The following EZH2 variants were observed in gnomAD, a reference collection of about 807,000 sequenced individuals.
EZH2 encodes the protein enhancer of zeste 2 polycomb repressive complex 2 subunit.
Under a neutral mutation model 98.4 loss-of-function variants are expected in EZH2, and 18 were observed. That is an observed-to-expected ratio of 0.18 (90% confidence interval 0.13 to 0.27). EZH2 has a LOEUF of 0.27. Ranked by LOEUF, EZH2 falls within the 10% of genes least tolerant of loss-of-function variation. The probability of loss-of-function intolerance (pLI) is 1.00; values close to 1 mark genes in which losing one functional copy is unlikely to be tolerated. For missense variants in EZH2, 470 were observed against 935.1 expected (o/e 0.50, Z 6.49); for synonymous variants, 338 against 312.3 (o/e 1.08, Z -0.87).
At chr7:148,846,421 A>G (rs1814048322) in intron 3 of EZH2, 49 bp downstream of exon 3, 2 of 1,581,174 alleles carry the variant, frequency 1.3e-6, no homozygotes, top group South Asian at 2.3e-5. Context: ...TTCCAATAGC[A>G]TAAACCAAAA....
At chr7:148,876,562 T>C (rs1370658845) in intron 1 of EZH2, among the ~76,000 whole-genome samples, 4 of 152,090 alleles carry the variant, frequency 2.6e-5, no homozygotes, top group Non-Finnish European at 5.9e-5. Flanking sequence ...CTATAGAAAA[T>C]TGTCACACAA....
rs1814416950 is a variant in EZH2 at position 148,847,368 on chromosome 7, T to A, written c.-7-63A>T. 3 of 1,584,966 alleles carry A rather than the reference T, an allele frequency of 1.9e-6. No homozygotes were observed. In the Admixed American group the frequency reaches 5.4e-5, roughly 29 times the overall value. On this transcript the variant is annotated intron_variant, in intron 1 of 19. Transcript: ENST00000320356. The stretch of plus-strand genomic sequence containing the variant: ...ACCAGCCTGAATATGATCACCTGTG[T>A]TTTAATCCGCAGCAAACTAACAATC...
intron 1 of EZH2, among the ~76,000 whole-genome samples, chr7:148,856,717 C>G (rs999468215): frequency 6.6e-6 from 1 of 152,134 alleles, no homozygotes; most frequent in African/African-American, 2.4e-5. Flanking sequence ...AAGAAACTCT[C>G]AGTGGCCAAA....
rs138350977 is a variant in EZH2, at chr7:148,853,328, C to T, written c.-7-6023G>A. Among the ~76,000 whole-genome samples, 277 of 152,318 alleles carry T rather than the reference C, an allele frequency of 1.8e-3. 1 individual carries two copies. The highest frequency in any genetic ancestry group is 6.3e-3 in the African/African-American group (261 of 41,568). The stretch of plus-strand genomic sequence containing the variant: ...TCAGGAAGCTGAGGCAGGAGAATCA[C>T]TTGAACCTGGGAGGCAGAGGTTGAG... On this transcript the variant is annotated intron_variant, in intron 1 of 19. Transcript: ENST00000320356.
chr7:148,850,320 C>A (rs1815382535), intron 1 of EZH2: 1 of 227,658 alleles, frequency 4.4e-6, no homozygotes, highest in African/African-American at 2.3e-5. Context: ...GCCTGGCTTA[C>A]AATTTATTTT....
intron 15 of EZH2, among the ~76,000 whole-genome samples, chr7:148,812,247 C>T (rs976859583): frequency 1.8e-4 from 28 of 152,294 alleles, no homozygotes; most frequent in Admixed American, 1.8e-3. Context: ...TTTGTTCTTC[C>T]ACCCCACCTC....
At chr7:148,819,719 T>C (rs1173700353) in intron 8 of EZH2, 32 bp from the exon 9 acceptor site, 2 of 1,577,626 alleles carry the variant, frequency 1.3e-6, no homozygotes, top group South Asian at 1.1e-5. Flanking sequence ...GAATCTAATA[T>C]AACTATAAAA....
intron 1 of EZH2, among the ~76,000 whole-genome samples, chr7:148,882,914 T>G (rs964531160): frequency 6.6e-6 from 1 of 152,246 alleles, no homozygotes; most frequent in African/African-American, 2.4e-5. Context: ...CTCCATGCAG[T>G]CTTTTCTGAA....
At chr7:148,824,535 G>C (rs959788971) in intron 8 of EZH2, among the ~76,000 whole-genome samples, 2 of 152,170 alleles carry the variant, frequency 1.3e-5, no homozygotes, top group African/African-American at 4.8e-5. Flanking sequence ...GCAGGGATAT[G>C]TGGCCTAGGT....
chr7:148,816,586 A>G, intron 12 of EZH2, 98 bp downstream of exon 12: 3 of 829,494 alleles, frequency 3.6e-6, no homozygotes, highest in Non-Finnish European at 4.0e-6. Context: ...GTTTTTTAAA[A>G]ATAGACTAAG....
At chr7:148,883,177 T>C (rs1037018228) in intron 1 of EZH2, 3 of 152,226 alleles carry the variant, frequency 2.0e-5, no homozygotes, top group Non-Finnish European at 4.4e-5. Flanking sequence ...ATTACGATTC[T>C]TTAGAAAGTG....
intron 3 of EZH2, among the ~76,000 whole-genome samples, chr7:148,835,543 G>C (rs1810675052): frequency 1.3e-5 from 2 of 151,892 alleles, no homozygotes; most frequent in Non-Finnish European, 2.9e-5. Flanking sequence ...TAAATTTGGG[G>C]GTGGAGGTGC....
chr7:148,854,109 G>GA (rs1816364902), intron 1 of EZH2, among the ~76,000 whole-genome samples: 1 of 151,900 alleles, frequency 6.6e-6, no homozygotes, highest in Non-Finnish European at 1.5e-5. Flanking sequence ...TGAATAATTT[G>GA]AAAAAAGTCC....
At chr7:148,830,479 G>C (rs1232121400) in intron 4 of EZH2, among the ~76,000 whole-genome samples, 1 of 151,920 alleles carries the variant, frequency 6.6e-6, no homozygotes, top group East Asian at 1.9e-4. Context: ...CCATTAACTT[G>C]TAATAGTTTA....
At chr7:148,857,268 G>C (rs931528793) in intron 1 of EZH2, among the ~76,000 whole-genome samples, 2 of 152,182 alleles carry the variant, frequency 1.3e-5, no homozygotes, top group Non-Finnish European at 2.9e-5. Flanking sequence ...AAACTTAGGA[G>C]ACATGATAAC....
At chr7:148,813,821 G>C in intron 15 of EZH2, 138 bp downstream of exon 15, 1 of 871,646 alleles carries the variant, frequency 1.1e-6, no homozygotes, top group Middle Eastern at 2.3e-4. Context: ...AGAAAATTAT[G>C]AACACTTTCT....
chr7:148,811,448 G>C (rs1277846880), intron 16 of EZH2, among the ~76,000 whole-genome samples, 177 bp downstream of exon 16: 1 of 152,254 alleles, frequency 6.6e-6, no homozygotes, highest in East Asian at 1.9e-4. Context: ...ACCGCGCCCA[G>C]CACAATCCAG....
At chr7:148,853,255 T>C (rs1174517667) in intron 1 of EZH2, among the ~76,000 whole-genome samples, 2 of 151,992 alleles carry the variant, frequency 1.3e-5, no homozygotes, top group African/African-American at 4.8e-5. Context: ...CTACTAAAAA[T>C]ACAAAAATTA....
intron 1 of EZH2, among the ~76,000 whole-genome samples, chr7:148,850,949 A>C (rs574030170): frequency 6.6e-6 from 1 of 152,308 alleles, no homozygotes; most frequent in South Asian, 2.1e-4. Context: ...ACGTAGCTAG[A>C]GTCTTCTCTC....
Sources: allele counts gnomAD v4.1 joint callset (sites outside exome capture counted in the v4.1 genomes callset), GRCh38; gene constraint gnomAD v4.1.1; transcripts MANE v1.5; gene names NCBI Gene and HGNC (gene_info 2026-07-23, HGNC 2026-07-21).